Variants in KIAA1328 observed in about 807,000 individuals in gnomAD.
The protein encoded by KIAA1328 is KIAA1328.
A neutral mutation model predicts 68.1 loss-of-function variants in KIAA1328; 52 were observed. The observed-to-expected ratio is 0.76, with a 90% CI of 0.61 to 0.96. The LOEUF is 0.96. Ranked by LOEUF, KIAA1328 falls within the 40% of genes least tolerant of loss-of-function variation. KIAA1328 has a pLI of 0.00. For synonymous variants in KIAA1328, 232 were observed against 239.4 expected (o/e 0.97, Z 0.28); for missense variants, 641 against 677.6 (o/e 0.95, Z 0.60).
intron 7 of KIAA1328, among the ~76,000 whole-genome samples, chr18:37,091,479 A>G (rs924553723): frequency 2.6e-5 from 4 of 152,182 alleles, no homozygotes; most frequent in African/African-American, 7.2e-5. Context: ...AATTCTAGCT[A>G]TAGGAGAGCT....
chr18:37,100,279 A>T (rs2057564092), intron 7 of KIAA1328, among the ~76,000 whole-genome samples: 1 of 152,210 alleles, frequency 6.6e-6, no homozygotes, highest in Non-Finnish European at 1.5e-5. Context: ...AGTCAAAGAA[A>T]GGGGTGACAG....
At chr18:37,200,703 C>G (rs1453979965) in intron 9 of KIAA1328, among the ~76,000 whole-genome samples, 1 of 150,372 alleles carries the variant, frequency 6.7e-6, no homozygotes, top group South Asian at 2.1e-4. Flanking sequence ...CCCAGCTACT[C>G]GGGAGGCTGA....
chr18:36,993,696 A>G (rs1218454601), intron 6 of KIAA1328, among the ~76,000 whole-genome samples: 1 of 152,186 alleles, frequency 6.6e-6, no homozygotes, highest in Non-Finnish European at 1.5e-5. Context: ...AAGTGAGGCA[A>G]ATTTTGTCAT....
In KIAA1328 at chr18:36,829,161, C is replaced by T. The variant is rs1203596631; in HGVS notation, c.23C>T (p.Ser8Phe). The T allele has an allele frequency of 3.3e-6, 5 of 1,533,690 alleles. No homozygotes were observed. The highest frequency in any genetic ancestry group is 2.6e-6 in the Non-Finnish European group (3 of 1,142,370). MADVAGP[S>F]RPSAAAFWSR... is the part of the protein sequence containing the mutation. ...AAGATGGCGGACGTGGCGGGCCCCT[C>T]CCGCCCCAGTGCCGCGGCGTTCTGG... The change falls in exon 1 of 10, where the codon TCC becomes TTC. Residue 8 changes from serine to phenylalanine, a missense_variant. Transcript: ENST00000280020.
At chr18:36,973,626 C>T (rs187207801) in intron 6 of KIAA1328, among the ~76,000 whole-genome samples, 5 of 152,022 alleles carry the variant, frequency 3.3e-5, no homozygotes, top group East Asian at 1.9e-4. Flanking sequence ...ATTCTGAATC[C>T]TCATGTCAGG....
chr18:37,078,278 G>A (rs1354197836), intron 7 of KIAA1328, among the ~76,000 whole-genome samples: 2 of 152,212 alleles, frequency 1.3e-5, no homozygotes, highest in African/African-American at 4.8e-5. Context: ...CTAGCCATAT[G>A]TAGAAAGCTG....
At chr18:36,904,619 A>C (rs2049152735) in intron 5 of KIAA1328, among the ~76,000 whole-genome samples, 1 of 152,172 alleles carries the variant, frequency 6.6e-6, no homozygotes, top group Non-Finnish European at 1.5e-5. Flanking sequence ...CTTTGTATTT[A>C]ATGTGCATTT....
chr18:36,932,487 G>T (rs535626814), intron 5 of KIAA1328, among the ~76,000 whole-genome samples: 11 of 152,194 alleles, frequency 7.2e-5, no homozygotes, highest in Non-Finnish European at 1.6e-4. Flanking sequence ...GCCTTCCAAA[G>T]TGCTGGGATT....
At chr18:37,171,612 C>T (rs954436857) in intron 8 of KIAA1328, among the ~76,000 whole-genome samples, 15 of 152,090 alleles carry the variant, frequency 9.9e-5, no homozygotes, top group Non-Finnish European at 2.1e-4. Flanking sequence ...CTGGCACTGG[C>T]CAGTATTAAT....
At chr18:37,042,142 C>T (rs554443474) in intron 6 of KIAA1328, among the ~76,000 whole-genome samples, 41 of 152,244 alleles carry the variant, frequency 2.7e-4, no homozygotes, top group African/African-American at 9.6e-4. Context: ...AAGTGATGCA[C>T]CCACCTTGAC....
chr18:36,840,504 C>T (rs550288600), intron 3 of KIAA1328, among the ~76,000 whole-genome samples: 1 of 149,172 alleles, frequency 6.7e-6, no homozygotes, highest in South Asian at 2.1e-4. Context: ...AGCCCAGGTA[C>T]AGTGGCATGG....
chr18:36,991,729 C>T (rs190956349), intron 6 of KIAA1328, among the ~76,000 whole-genome samples: 13 of 152,274 alleles, frequency 8.5e-5, no homozygotes, highest in Non-Finnish European at 7.4e-5. Context: ...TTAGCTATGG[C>T]CCTACCATGG....
chr18:37,219,778 G>T (rs553796422), intron 9 of KIAA1328, among the ~76,000 whole-genome samples: 2 of 152,292 alleles, frequency 1.3e-5, no homozygotes, highest in African/African-American at 4.8e-5. Flanking sequence ...GACCCCTTGC[G>T]CTTCCTGGGT....
chr18:37,057,383 G>A (rs575818339), intron 6 of KIAA1328, among the ~76,000 whole-genome samples: 1 of 151,340 alleles, frequency 6.6e-6, no homozygotes, highest in African/African-American at 2.4e-5. Context: ...ATCATTAAAT[G>A]GTTGGGGGAA....
At chr18:36,957,532 G>C (rs2051471132) in intron 5 of KIAA1328, among the ~76,000 whole-genome samples, 1 of 152,114 alleles carries the variant, frequency 6.6e-6, no homozygotes, top group Non-Finnish European at 1.5e-5. Context: ...TAGGAGTTGT[G>C]AGAGAGGGTA....
At position 37,212,126 on chromosome 18, in the gene KIAA1328, C is replaced by G. The variant is rs1187545684; in HGVS notation, c.1524-9891C>G. Among the ~76,000 whole-genome samples the G allele has an allele frequency of 3.3e-5, 5 of 152,304 alleles. No homozygotes were observed. In the South Asian group the frequency reaches 1.0e-3, roughly 32 times the overall value. On this transcript the variant is annotated intron_variant, in intron 9 of 9. Coordinates refer to ENST00000280020, the MANE Select transcript of KIAA1328 (RefSeq NM_020776.3). ...GTGTCAAAGGAAAGTTCAAACAAAG[C>G]TCATTCCTTGAGCATGAAGTAGGTC...
At chr18:37,214,290 A>G (rs898995414) in intron 9 of KIAA1328, among the ~76,000 whole-genome samples, 1 of 152,204 alleles carries the variant, frequency 6.6e-6, no homozygotes, top group Non-Finnish European at 1.5e-5. Flanking sequence ...TAGGTCTAAC[A>G]TTTAAGTCTT....
intron 6 of KIAA1328, among the ~76,000 whole-genome samples, chr18:37,037,210 T>C (rs1437810558): frequency 6.6e-6 from 1 of 152,168 alleles, no homozygotes; most frequent in East Asian, 1.9e-4. Context: ...TTTCAGCTAA[T>C]CGACTCTAAA....
intron 9 of KIAA1328, among the ~76,000 whole-genome samples, chr18:37,180,827 C>T (rs1299797985): frequency 6.6e-6 from 1 of 151,970 alleles, no homozygotes; most frequent in African/African-American, 2.4e-5. Context: ...AATAGCAAAC[C>T]TTGCTGCGTG....
Sources: allele counts gnomAD v4.1 joint callset (sites outside exome capture counted in the v4.1 genomes callset), GRCh38; gene constraint gnomAD v4.1.1; transcripts MANE v1.5; gene names NCBI Gene and HGNC (gene_info 2026-07-23, HGNC 2026-07-21).